The following GNAQ variants were observed in gnomAD, a reference collection of about 807,000 sequenced individuals.
GNAQ encodes G protein subunit alpha q, also known as guanine nucleotide-binding protein G(q) subunit alpha.
In GNAQ, 8 loss-of-function variants were observed where a neutral mutation model predicts 43.9. The ratio of observed to expected loss-of-function variants is 0.18; its 90% CI spans 0.11 to 0.33. The LOEUF (loss-of-function observed/expected upper bound fraction) is 0.33. GNAQ is among the 10% of genes least tolerant of loss of function. The pLI is 1.00. For synonymous variants in GNAQ, 155 were observed against 170.7 expected, an observed-to-expected ratio of 0.91 and a Z score of 0.71; for missense variants, 158 against 450.8, an observed-to-expected ratio of 0.35 and a Z score of 5.88.
chr9:77,860,881 G>C (rs1827839236), intron 2 of GNAQ, among the ~76,000 whole-genome samples: 1 of 152,146 alleles, frequency 6.6e-6, no homozygotes, highest in Non-Finnish European at 1.5e-5. Flanking sequence ...TCTGTGGTAA[G>C]AAGAATAATG....
intron 1 of GNAQ, among the ~76,000 whole-genome samples, chr9:78,011,956 G>A (rs1204790446): frequency 6.6e-6 from 1 of 152,194 alleles, no homozygotes; most frequent in African/African-American, 2.4e-5. Context: ...AGTGGGTTCA[G>A]TGCTTCAAGA....
At chr9:77,954,336 T>A (rs181753304) in intron 1 of GNAQ, among the ~76,000 whole-genome samples, 2 of 152,198 alleles carry the variant, frequency 1.3e-5, no homozygotes, top group African/African-American at 2.4e-5. Flanking sequence ...TCCTTTCACA[T>A]AGTAAGTGTC....
At chr9:77,823,100 C>T (rs532600198) in intron 2 of GNAQ, among the ~76,000 whole-genome samples, 14 of 152,014 alleles carry the variant, frequency 9.2e-5, no homozygotes, top group South Asian at 4.2e-4. Flanking sequence ...CCACAACGCC[C>T]GGCTAATTTT....
chr9:77,888,531 C>T (rs1416700195), intron 2 of GNAQ, among the ~76,000 whole-genome samples: 1 of 152,136 alleles, frequency 6.6e-6, no homozygotes, highest in Non-Finnish European at 1.5e-5. Flanking sequence ...TTTAAAATGT[C>T]TACTCATTGT....
chr9:77,950,700 C>T (rs911748719), intron 1 of GNAQ, among the ~76,000 whole-genome samples: 1 of 152,174 alleles, frequency 6.6e-6, no homozygotes, highest in African/African-American at 2.4e-5. Context: ...TTTCACTAAA[C>T]ACTTTTTATG....
At chr9:78,005,410 G>A (rs1823693210) in intron 1 of GNAQ, among the ~76,000 whole-genome samples, 1 of 152,178 alleles carries the variant, frequency 6.6e-6, no homozygotes. Context: ...GGAAGGGTGG[G>A]GAATTAGTGT....
At chr9:77,995,584 G>A (rs1159183391) in intron 1 of GNAQ, among the ~76,000 whole-genome samples, 1 of 152,062 alleles carries the variant, frequency 6.6e-6, no homozygotes, top group Non-Finnish European at 1.5e-5. Flanking sequence ...TCAAACTCCT[G>A]GACTCAAGTG....
At chr9:77,826,676 T>C (rs1040485149) in intron 2 of GNAQ, among the ~76,000 whole-genome samples, 10 of 152,226 alleles carry the variant, frequency 6.6e-5, no homozygotes, top group Non-Finnish European at 1.2e-4. Flanking sequence ...TTTACTTGCT[T>C]TGGGATCTCT....
chr9:77,948,382 C>T (rs2118368420), intron 1 of GNAQ, among the ~76,000 whole-genome samples: 1 of 152,308 alleles, frequency 6.6e-6, no homozygotes, highest in African/African-American at 2.4e-5. Context: ...AAACTGCTAG[C>T]ACTCATCAGC....
At chr9:77,878,136 G>A (rs1048580351) in intron 2 of GNAQ, among the ~76,000 whole-genome samples, 12 of 151,598 alleles carry the variant, frequency 7.9e-5, no homozygotes, top group African/African-American at 2.9e-4. Flanking sequence ...TACTGTTTTT[G>A]TTTAGTCCCT....
intron 6 of GNAQ, among the ~76,000 whole-genome samples, chr9:77,728,214 C>T (rs1231387256): frequency 1.3e-5 from 2 of 152,042 alleles, no homozygotes; most frequent in East Asian, 1.9e-4. Flanking sequence ...AGGATGGTCT[C>T]GATCGCTTGA....
At chr9:77,900,741 A>G (rs1210952502) in intron 2 of GNAQ, among the ~76,000 whole-genome samples, 1 of 151,706 alleles carries the variant, frequency 6.6e-6, no homozygotes, top group Non-Finnish European at 1.5e-5. Context: ...CCTTACTCCC[A>G]TTCTCCACTT....
intron 6 of GNAQ, 103 bp from the exon 7 acceptor site, chr9:77,721,616 A>G (rs1370822507): frequency 2.7e-6 from 2 of 728,590 alleles, no homozygotes; most frequent in Admixed American, 2.3e-5. Flanking sequence ...TGAAGCCTAC[A>G]TCTGCACTGC....
At chr9:77,933,522 G>A (rs983384163) in intron 1 of GNAQ, among the ~76,000 whole-genome samples, 1 of 152,028 alleles carries the variant, frequency 6.6e-6, no homozygotes, top group African/African-American at 2.4e-5. Context: ...GTGCACGCCT[G>A]TGGTCCCAGA....
At chr9:77,991,394 G>T in intron 1 of GNAQ, among the ~76,000 whole-genome samples, 1 of 152,000 alleles carries the variant, frequency 6.6e-6, no homozygotes, top group Non-Finnish European at 1.5e-5. Flanking sequence ...GCCTAATGTT[G>T]GTCACGTTTC....
At chr9:77,854,564 A>G (rs575844876) in intron 2 of GNAQ, among the ~76,000 whole-genome samples, 1 of 152,334 alleles carries the variant, frequency 6.6e-6, no homozygotes, top group South Asian at 2.1e-4. Flanking sequence ...GAAGCCAGAA[A>G]CAAATCAGCA....
At chr9:77,908,799 C>G (rs1828753386) in intron 2 of GNAQ, among the ~76,000 whole-genome samples, 1 of 152,168 alleles carries the variant, frequency 6.6e-6, no homozygotes, top group Non-Finnish European at 1.5e-5. Flanking sequence ...TTACTTTGGG[C>G]TGCTTCAGCA....
chr9:77,848,681 G>A (rs1361216602), intron 2 of GNAQ, among the ~76,000 whole-genome samples: 1 of 152,210 alleles, frequency 6.6e-6, no homozygotes, highest in African/African-American at 2.4e-5. Flanking sequence ...AGGGAGCTGA[G>A]CCTTTGCCCT....
At chr9:77,979,312 C>T (rs965373552) in intron 1 of GNAQ, among the ~76,000 whole-genome samples, 7 of 149,754 alleles carry the variant, frequency 4.7e-5, no homozygotes, top group African/African-American at 9.9e-5. Context: ...GCCGAGATGG[C>T]GCCATTGCAC....
Sources: gnomAD v4.1 joint callset for allele counts (sites outside exome capture counted in the v4.1 genomes callset) on GRCh38, gnomAD v4.1.1 for gene constraint, MANE v1.5 for transcripts, NCBI Gene and HGNC (gene_info 2026-07-23, HGNC 2026-07-21) for gene names.